The following SRRM3 variants were observed in gnomAD, a reference collection of about 807,000 sequenced individuals.
The protein encoded by SRRM3 is serine/arginine repetitive matrix 3.
SRRM3 carries 27 observed loss-of-function variants against 66.2 expected under a neutral mutation model. The observed-to-expected ratio is 0.41, with a 90% confidence interval of 0.30 to 0.56. The LOEUF (loss-of-function observed/expected upper bound fraction) is 0.56. Ranked by LOEUF, SRRM3 falls within the 20% of genes least tolerant of loss-of-function variation. SRRM3 has a pLI of 0.32. For synonymous variants in SRRM3, 391 were observed against 414.9 expected (o/e 0.94, Z 0.70); for missense variants, 918 against 991.9 (o/e 0.93, Z 1.00).
intron 11 of SRRM3, among the ~76,000 whole-genome samples, chr7:76,272,655 A>C (rs966290503): frequency 6.6e-6 from 1 of 152,124 alleles, no homozygotes; most frequent in South Asian, 2.1e-4. Context: ...CCATCTCAAA[A>C]AAAAACCCCA....
At position 76,223,617 on chromosome 7, in the gene SRRM3, T is replaced by C. The variant is rs148012288; in HGVS notation, c.-39-11411T>C. Among the ~76,000 whole-genome samples the C allele has an allele frequency of 1.6e-3, 238 of 152,338 alleles. 2 individuals are homozygous for C. The highest frequency in any genetic ancestry group is 5.6e-3 in the African/African-American group (234 of 41,568). On this transcript the variant is annotated intron_variant, in intron 1 of 14. Transcript: ENST00000611745. ...GTATTTATCAGTTCTGTCTCGTTTC[T>C]GACAGTTGGAAAGAATCTTTTTCCT...
At chr7:76,280,853 AT>A (rs1802479298) in intron 11 of SRRM3, among the ~76,000 whole-genome samples, 1 of 140,058 alleles carries the variant, frequency 7.1e-6, no homozygotes, top group African/African-American at 2.7e-5. Context: ...GCCTGTCTGG[AT>A]TTTTTCTGTT....
chr7:76,227,975 T>C (rs1443968671), intron 1 of SRRM3, among the ~76,000 whole-genome samples: 1 of 152,202 alleles, frequency 6.6e-6, no homozygotes, highest in East Asian at 1.9e-4. Flanking sequence ...GTTCAAGCTA[T>C]TCTCATGCCT....
chr7:76,285,400 A>G lies in SRRM3; in HGVS notation c.1734-215A>G. ...TTATTAGCAGGTGTTCGGATCGGGCAGAGACATGGTCTCCTTTCCCTGCAG... is the reference window on the plus strand; with the variant it reads ...TTATTAGCAGGTGTTCGGATCGGGCGGAGACATGGTCTCCTTTCCCTGCAG... On this transcript the variant is annotated intron_variant, in intron 14 of 14. Coordinates refer to ENST00000611745, the MANE Select transcript of SRRM3 (RefSeq NM_001110199.3). This position sits in a 1 kb window ranked among gnomAD's most constrained non-coding sequence, Gnocchi z 4.1. The G allele has an allele frequency of 1.7e-6, 1 of 583,944 alleles. No individual in the cohort carries two copies. The highest frequency in any genetic ancestry group is 2.1e-5 in the South Asian group (1 of 47,532). The allele number at this position is 583,944 out of a possible 1,614,324, so 36.2% of individuals were successfully genotyped here.
At position 76,211,461 on chromosome 7, in the gene SRRM3, T is replaced by C. The variant is rs543451197; in HGVS notation, c.-40+9394T>C. The stretch of plus-strand genomic sequence containing the variant: ...GCCAGGTGAGGCAGCCTAGCCTTTT[T>C]TCCGTAGACAGCAGAGAACGCCAGG... On this transcript the variant is annotated intron_variant, in intron 1 of 14. Coordinates refer to ENST00000611745, the MANE Select transcript of SRRM3 (RefSeq NM_001110199.3). Among the ~76,000 whole-genome samples the C allele has an allele frequency of 9.2e-5, 14 of 152,246 alleles. No homozygotes were observed. In the South Asian group the frequency reaches 2.7e-3, roughly 29 times the overall value.
intron 3 of SRRM3, among the ~76,000 whole-genome samples, chr7:76,251,764 C>G (rs1243318797): frequency 6.6e-6 from 1 of 151,688 alleles, no homozygotes; most frequent in East Asian, 1.9e-4. Context: ...ACCCCCATCT[C>G]TATTTAAAAA....
intron 1 of SRRM3, among the ~76,000 whole-genome samples, chr7:76,215,167 T>G (rs1349904331): frequency 1.3e-5 from 2 of 151,832 alleles, no homozygotes; most frequent in Admixed American, 6.6e-5. Flanking sequence ...AAACCCACAG[T>G]ACATTTTTAT....
intron 3 of SRRM3, among the ~76,000 whole-genome samples, chr7:76,249,503 A>G (rs1172096594): frequency 6.6e-6 from 1 of 152,208 alleles, no homozygotes; most frequent in African/African-American, 2.4e-5. Context: ...GGCAAGTTAT[A>G]GCAAGGCAAA....
At chr7:76,254,707 C>T (rs1198810193) in intron 3 of SRRM3, among the ~76,000 whole-genome samples, 2 of 152,256 alleles carry the variant, frequency 1.3e-5, no homozygotes, top group South Asian at 2.1e-4. Flanking sequence ...CCACACAATA[C>T]GCAATGTGAG....
intron 1 of SRRM3, among the ~76,000 whole-genome samples, chr7:76,210,799 C>T (rs957697443): frequency 6.6e-6 from 1 of 151,446 alleles, no homozygotes; most frequent in Non-Finnish European, 1.5e-5. Flanking sequence ...GCCCCAGCAG[C>T]CCTGGATAAT....
intron 1 of SRRM3, among the ~76,000 whole-genome samples, chr7:76,234,455 T>C (rs1801090895): frequency 6.6e-6 from 1 of 152,124 alleles, no homozygotes; most frequent in South Asian, 2.1e-4. Flanking sequence ...TTTGGAGAAG[T>C]TGGCCAGATC....
intron 11 of SRRM3, among the ~76,000 whole-genome samples, chr7:76,270,967 C>T (rs1802195790): frequency 6.6e-6 from 1 of 151,138 alleles, no homozygotes; most frequent in African/African-American, 2.4e-5. Context: ...AAGAGCGAGA[C>T]TCTGTCTCAA....
chr7:76,246,925 T>A (rs1554606229), intron 2 of SRRM3, among the ~76,000 whole-genome samples: 2 of 152,246 alleles, frequency 1.3e-5, no homozygotes, highest in Admixed American at 6.5e-5. Context: ...TCACTTTGCC[T>A]TAGCTTCTAC....
chr7:76,283,225 G>GA, intron 14 of SRRM3, 124 bp downstream of exon 14: 2 of 1,156,860 alleles, frequency 1.7e-6, no homozygotes, highest in South Asian at 4.1e-5. Context: ...GGATGGGGGG[G>GA]GGTGCTAAGG....
chr7:76,284,412 A>T (rs1802607251), intron 14 of SRRM3, among the ~76,000 whole-genome samples: 1 of 152,118 alleles, frequency 6.6e-6, no homozygotes, highest in Non-Finnish European at 1.5e-5. Flanking sequence ...TCCTGACCTC[A>T]GGTGATCCAC....
chr7:76,269,457 GA>G (rs1802152857), intron 11 of SRRM3: 1 of 152,044 alleles, frequency 6.6e-6, no homozygotes, highest in Non-Finnish European at 1.5e-5. Context: ...TGGGGGATGG[GA>G]GAGGGGTCCC....
In SRRM3 at chr7:76,281,523, C is replaced by G; in HGVS notation, c.1091C>G (p.Pro364Arg). The G allele has an allele frequency of 8.4e-7, 1 of 1,190,416 alleles. No homozygotes were observed. Among genetic ancestry groups the G allele is most frequent in the Non-Finnish European group, 1.0e-6 (1 of 959,814 alleles). The allele number at this position is 1,190,416 out of a possible 1,614,324, so 73.7% of individuals were successfully genotyped here. A position where few individuals can be genotyped will look rare whatever the true frequency, so the allele number is the denominator to read the frequency against. ...PTPPARGKES[P>R]SPRSAPSSQG... Reference sequence around the variant, plus strand: ...CCGCCCGCGCGGGGGAAGGAGAGCCCGAGCCCGCGCTCGGCGCCGTCGTCC... The same window carrying G: ...CCGCCCGCGCGGGGGAAGGAGAGCCGGAGCCCGCGCTCGGCGCCGTCGTCC... The change falls in exon 12 of 15, where the codon CCG becomes CGG. Residue 364 changes from proline (P) to arginine (R), a missense_variant. Transcript: ENST00000611745.
intron 11 of SRRM3, among the ~76,000 whole-genome samples, chr7:76,281,067 C>G (rs1342983974): frequency 6.7e-6 from 1 of 149,340 alleles, no homozygotes; most frequent in East Asian, 2.0e-4. Flanking sequence ...TTCGCCCTCT[C>G]TCTTTCTCAT....
intron 1 of SRRM3, among the ~76,000 whole-genome samples, chr7:76,217,754 G>A (rs1477011789): frequency 6.6e-6 from 1 of 152,110 alleles, no homozygotes; most frequent in Non-Finnish European, 1.5e-5. Flanking sequence ...CAATAATGAG[G>A]CAGTTCTGGC....
Sources: allele counts gnomAD v4.1 joint callset (sites outside exome capture counted in the v4.1 genomes callset), GRCh38; gene constraint gnomAD v4.1.1; non-coding constraint Gnocchi (gnomAD v3.1); transcripts MANE v1.5; gene names NCBI Gene and HGNC (gene_info 2026-07-23, HGNC 2026-07-21).